The following DPH6 variants were observed in gnomAD, a reference collection of about 807,000 sequenced individuals.
DPH6 encodes diphthamine biosynthesis 6, also known as diphthine--ammonia ligase.
Under a neutral mutation model 38.2 loss-of-function variants are expected in DPH6, and 33 were observed. That is an observed-to-expected ratio of 0.86 (90% CI 0.65 to 1.15). The LOEUF (loss-of-function observed/expected upper bound fraction) is 1.15, where lower values mean the gene tolerates loss of function less well. Ranked by LOEUF, DPH6 falls within the 50% of genes most tolerant of loss-of-function variation. The pLI is 0.00. For synonymous variants in DPH6, 108 were observed against 103.0 expected, an observed-to-expected ratio of 1.05 and a Z score of -0.30; for missense variants, 325 against 320.0, an observed-to-expected ratio of 1.02 and a Z score of -0.12.
At chr15:35,204,932 G>A in the DPH6 span, among the ~76,000 whole-genome samples, 1 of 151,868 alleles carries the variant, frequency 6.6e-6, no homozygotes. Flanking sequence ...AATACAGAAG[G>A]AAGAGAGACA....
At chr15:35,199,860 C>G in the DPH6 span, among the ~76,000 whole-genome samples, 169 of 152,064 alleles carry the variant, frequency 1.1e-3, 1 homozygote, top group African/African-American at 3.6e-3. Flanking sequence ...AAATACCTCT[C>G]TCAAGATGAG....
At chr15:35,301,464 CTT>C (rs1227359609) in intron 3 of DPH6, among the ~76,000 whole-genome samples, 7 of 152,150 alleles carry the variant, frequency 4.6e-5, no homozygotes, top group African/African-American at 1.2e-4. Flanking sequence ...CTTTTCTCCT[CTT>C]TGTTTTTCAT....
intron 6 of DPH6, among the ~76,000 whole-genome samples, chr15:35,402,920 C>T (rs553647602): frequency 2.0e-5 from 3 of 152,006 alleles, no homozygotes; most frequent in South Asian, 2.1e-4. Context: ...TTTCATTATG[C>T]ATATATCATA....
chr15:35,497,665 T>A (rs2054574757), intron 3 of DPH6, among the ~76,000 whole-genome samples: 1 of 152,094 alleles, frequency 6.6e-6, no homozygotes, highest in East Asian at 1.9e-4. Context: ...TGTGAATCGA[T>A]AAAAATGTCA....
At chr15:35,195,448 G>A in the DPH6 span, among the ~76,000 whole-genome samples, 1 of 152,136 alleles carries the variant, frequency 6.6e-6, no homozygotes, top group Non-Finnish European at 1.5e-5. Flanking sequence ...TGGGTGAAAA[G>A]ATACCAGAGG....
intron 1 of DPH6, among the ~76,000 whole-genome samples, chr15:35,543,263 TATA>T (rs2055291754): frequency 1.1e-4 from 1 of 8,950 alleles, no homozygotes; most frequent in African/African-American, 2.0e-4. Context: ...ACACATAATA[TATA>T]TATATATATA....
chr15:35,231,082 C>T (rs2051514276), intron 3 of DPH6, among the ~76,000 whole-genome samples: 1 of 152,184 alleles, frequency 6.6e-6, no homozygotes, highest in Non-Finnish European at 1.5e-5. Context: ...TAGGACTCAC[C>T]TAGGTGTTGC....
intron 3 of DPH6, among the ~76,000 whole-genome samples, chr15:35,269,730 C>A (rs1315003707): frequency 3.3e-5 from 5 of 150,280 alleles, no homozygotes; most frequent in Non-Finnish European, 7.4e-5. Context: ...AGCCACCGCG[C>A]CCGGCCAGGA....
chr15:35,308,616 T>C (rs2052113669), intron 3 of DPH6, among the ~76,000 whole-genome samples: 1 of 152,198 alleles, frequency 6.6e-6, no homozygotes, highest in Admixed American at 6.5e-5. Flanking sequence ...CGAAATGAGT[T>C]TATACCTATA....
At chr15:35,393,824 G>A (rs949191909) in intron 6 of DPH6, among the ~76,000 whole-genome samples, 3 of 152,138 alleles carry the variant, frequency 2.0e-5, no homozygotes, top group African/African-American at 7.2e-5. Context: ...ATTGAATGGA[G>A]GATTGAGGAA....
At chr15:35,458,515 C>T (rs936595416) in intron 3 of DPH6, among the ~76,000 whole-genome samples, 6 of 152,196 alleles carry the variant, frequency 3.9e-5, no homozygotes, top group East Asian at 1.9e-4. Context: ...AGTCAATCTA[C>T]GCCTTAGAAA....
At position 35,476,449 on chromosome 15, in the gene DPH6, A is replaced by T. The variant is rs527716496; in HGVS notation, c.313-21629T>A. On this transcript the variant is annotated intron_variant, in intron 3 of 8. Transcript: ENST00000256538. ...TATAAAGTAGGTTATTAAAGAAATC[A>T]CTATAAATAAAAGCTAGAAATGACC... Among the ~76,000 whole-genome samples the T allele has an allele frequency of 2.0e-5, 3 of 152,032 alleles. No individual in the cohort carries two copies. The East Asian group carries it at 5.8e-4, about 29-fold the overall frequency.
At chr15:35,318,782 T>A (rs887507354) in intron 3 of DPH6, among the ~76,000 whole-genome samples, 17 of 152,162 alleles carry the variant, frequency 1.1e-4, no homozygotes, top group Non-Finnish European at 4.4e-5. Context: ...ATAAATTTTT[T>A]ATTTATTTTA....
At chr15:35,168,692 A>T in the DPH6 span, among the ~76,000 whole-genome samples, 1 of 152,148 alleles carries the variant, frequency 6.6e-6, no homozygotes, top group Non-Finnish European at 1.5e-5. Context: ...AAACAAAATG[A>T]GTATAATTTA....
At chr15:35,275,572 G>A (rs981245066) in intron 3 of DPH6, among the ~76,000 whole-genome samples, 1 of 151,986 alleles carries the variant, frequency 6.6e-6, no homozygotes, top group Non-Finnish European at 1.5e-5. Flanking sequence ...GCAAGGAGAG[G>A]GAGACCATTA....
chr15:35,208,258 G>T, the DPH6 span, among the ~76,000 whole-genome samples: 1 of 152,074 alleles, frequency 6.6e-6, no homozygotes, highest in South Asian at 2.1e-4. Flanking sequence ...TGTGTCAGCC[G>T]CAGCAAAAAT....
At chr15:35,519,166 G>T (rs534869308) in intron 3 of DPH6, 17 of 151,554 alleles carry the variant, frequency 1.1e-4, no homozygotes, top group Admixed American at 9.9e-4. Context: ...AATCAAAAAG[G>T]TAACCAAAAA....
At chr15:35,227,986 T>A (rs1274245247) in intron 3 of DPH6, among the ~76,000 whole-genome samples, 1 of 152,188 alleles carries the variant, frequency 6.6e-6, no homozygotes, top group Admixed American at 6.5e-5. Context: ...TCACAGAAGA[T>A]GCTTGCTATT....
chr15:35,252,302 C>T (rs1198089642), intron 3 of DPH6, among the ~76,000 whole-genome samples: 1 of 152,072 alleles, frequency 6.6e-6, no homozygotes, highest in Non-Finnish European at 1.5e-5. Context: ...CCTAAATTTC[C>T]ATGAAAGATA....
Sources: allele counts gnomAD v4.1 joint callset (sites outside exome capture counted in the v4.1 genomes callset), GRCh38; gene constraint gnomAD v4.1.1; transcripts MANE v1.5; gene names NCBI Gene and HGNC (gene_info 2026-07-23, HGNC 2026-07-21).